Variants in KLF5 observed in about 807,000 individuals in gnomAD.
The protein encoded by KLF5 is KLF transcription factor 5.
KLF5 carries 9 observed loss-of-function variants against 36.9 expected under a neutral mutation model. The observed-to-expected ratio is 0.24, with a 90% CI of 0.15 to 0.43. The LOEUF is 0.43. Among genes scored for constraint, KLF5 ranks in the 20% least tolerant of loss-of-function variants. The probability of loss-of-function intolerance (pLI) is 1.00; values close to 1 mark genes in which losing one functional copy is unlikely to be tolerated. For synonymous variants in KLF5, 246 were observed against 241.7 expected, an observed-to-expected ratio of 1.02 and a Z score of -0.17; for missense variants, 524 against 599.5, an observed-to-expected ratio of 0.87 and a Z score of 1.31.
At chr13:73,069,119 A>T (rs1365758946) in intron 3 of KLF5, among the ~76,000 whole-genome samples, 3 of 151,418 alleles carry the variant, frequency 2.0e-5, no homozygotes, top group Non-Finnish European at 4.4e-5. Context: ...AATAAAAAAT[A>T]AAAAATCGAT....
chr13:73,072,694 A>G (rs1488930665), intron 3 of KLF5, among the ~76,000 whole-genome samples: 2 of 152,328 alleles, frequency 1.3e-5, no homozygotes, highest in East Asian at 3.9e-4. Flanking sequence ...GATAATGAGA[A>G]GTACCTCGCT....
chr13:73,061,294 C>T (rs904141686), intron 1 of KLF5, among the ~76,000 whole-genome samples: 2 of 152,096 alleles, frequency 1.3e-5, no homozygotes, highest in African/African-American at 2.4e-5. Flanking sequence ...TTTAATTTCT[C>T]ATTGAACTGT....
chr13:73,055,973 G>C (rs2044580635), upstream of KLF5, among the ~76,000 whole-genome samples: 1 of 152,094 alleles, frequency 6.6e-6, no homozygotes, highest in Non-Finnish European at 1.5e-5. Context: ...ACTGAATTTA[G>C]ATATTCCTTT....
rs41286080 is a variant in KLF5 at position 73,076,172 on chromosome 13, T to G, written c.*286T>G. 7 of 267,722 alleles carry G rather than the reference T, an allele frequency of 2.6e-5. No individual in the cohort carries two copies. Among genetic ancestry groups the G allele is most frequent in the Non-Finnish European group, 2.1e-5 (3 of 144,902 alleles). The allele number at this position is 267,722 out of a possible 1,614,324, so 16.6% of individuals were successfully genotyped here. On this transcript the variant is annotated 3_prime_UTR_variant, in exon 4 of 4. Coordinates refer to ENST00000377687, the MANE Select transcript of KLF5 (RefSeq NM_001730.5). ...TCTCAACATGGGTAAGGGGTGGGGG[T>G]GGAGGGGAGTGTGTGCAGCGTTTTT...
In KLF5 at chr13:73,059,778, G is replaced by GC. The variant is rs1311752163; in HGVS notation, c.261+190_261+191insC. The GC allele has an allele frequency of 3.9e-5, 29 of 737,450 alleles. 1 individual carries two copies. The highest frequency in any genetic ancestry group is 4.8e-5 in the Non-Finnish European group (29 of 600,316). The allele number at this position is 737,450 out of a possible 1,614,324, so 45.7% of individuals were successfully genotyped here. A position where few individuals can be genotyped will look rare whatever the true frequency, so the allele number is the denominator to read the frequency against. ...CCGCGTTTCGCTGAGAGTAAATGGGGGGGGGGGCCGGGGGTGGGAAGGATG... is the reference window on the plus strand; with the variant it reads ...CCGCGTTTCGCTGAGAGTAAATGGGGCGGGGGGGCCGGGGGTGGGAAGGATG... On this transcript the variant is annotated intron_variant, in intron 1 of 3. Coordinates refer to ENST00000377687, the MANE Select transcript of KLF5 (RefSeq NM_001730.5).
intron 3 of KLF5, among the ~76,000 whole-genome samples, chr13:73,072,788 A>G (rs1223723812): frequency 1.3e-5 from 2 of 152,170 alleles, no homozygotes; most frequent in African/African-American, 4.8e-5. Context: ...TTTGTAAAGT[A>G]TGTTAATGAC....
At chr13:73,074,365 C>CT (rs2044743831) in intron 3 of KLF5, among the ~76,000 whole-genome samples, 1 of 151,358 alleles carries the variant, frequency 6.6e-6, no homozygotes, top group South Asian at 2.1e-4. Flanking sequence ...CAAAGCAACT[C>CT]TGAGGTTCCT....
chr13:73,064,265 C>G (rs1352703268), intron 3 of KLF5, among the ~76,000 whole-genome samples: 1 of 152,164 alleles, frequency 6.6e-6, no homozygotes, highest in Non-Finnish European at 1.5e-5. Context: ...CCATTTTAAA[C>G]TCTTAAAAAC....
upstream of KLF5, chr13:73,058,818 G>A (rs1313380145): frequency 6.6e-6 from 1 of 152,606 alleles, no homozygotes; most frequent in Non-Finnish European, 1.5e-5. Context: ...CGAAGCTCGT[G>A]GCCCGAGAGG....
chr13:73,068,819 G>A (rs1276910756), intron 3 of KLF5, among the ~76,000 whole-genome samples: 2 of 151,838 alleles, frequency 1.3e-5, no homozygotes, highest in Non-Finnish European at 2.9e-5. Flanking sequence ...TTGGCTGGGC[G>A]CGGTGGCGGC....
At position 73,075,841 on chromosome 13, in the gene KLF5, G is replaced by A. The variant is rs141082562; in HGVS notation, c.1329G>A (p.Ser443=). The part of the protein sequence containing the change: ...FQCGVCNRSF[S]RSDHLALHMK... Reference sequence around the variant, plus strand: ...GCGGGGTGTGCAACCGCAGCTTCTCGCGCTCTGACCACCTGGCCCTGCATA... The same window carrying A: ...GCGGGGTGTGCAACCGCAGCTTCTCACGCTCTGACCACCTGGCCCTGCATA... Residue 443 remains serine, a synonymous_variant, in exon 4 of 4, where the codon TCG becomes TCA. Coordinates refer to ENST00000377687, the MANE Select transcript of KLF5 (RefSeq NM_001730.5). 94 of 1,609,842 alleles carry A rather than the reference G, an allele frequency of 5.8e-5. 1 individual carries two copies. Among genetic ancestry groups the A allele is most frequent in the Middle Eastern group, 1.6e-4 (1 of 6,076 alleles).
chr13:73,062,834 T>G, intron 2 of KLF5, 100 bp downstream of exon 2: 1 of 1,014,286 alleles, frequency 9.9e-7, no homozygotes, highest in Non-Finnish European at 1.4e-6. Context: ...CGTGCCCTTT[T>G]CAACCTCATG....
upstream of KLF5, among the ~76,000 whole-genome samples, chr13:73,056,581 CA>C: frequency 6.6e-6 from 1 of 152,314 alleles, no homozygotes; most frequent in South Asian, 2.1e-4. Context: ...ATGTTAAAAG[CA>C]ACAGCAAGGA....
At chr13:73,065,249 G>A (rs1443627785) in intron 3 of KLF5, among the ~76,000 whole-genome samples, 1 of 152,194 alleles carries the variant, frequency 6.6e-6, no homozygotes, top group Non-Finnish European at 1.5e-5. Flanking sequence ...ATCTCTAACT[G>A]CTGCATTAAA....
intron 3 of KLF5, among the ~76,000 whole-genome samples, chr13:73,070,810 C>G (rs969756851): frequency 2.6e-5 from 4 of 152,016 alleles, no homozygotes; most frequent in African/African-American, 9.7e-5. Flanking sequence ...ATAACTCATT[C>G]GATTATTTTC....
chr13:73,059,745 C>T (rs2044617219), intron 1 of KLF5, 157 bp downstream of exon 1: 3 of 667,472 alleles, frequency 4.5e-6, no homozygotes, highest in East Asian at 1.6e-4. Context: ...GCACGCCTGG[C>T]CGGGGCCCCG....
chr13:73,066,039 G>A (rs2044677154), intron 3 of KLF5, among the ~76,000 whole-genome samples: 2 of 152,186 alleles, frequency 1.3e-5, no homozygotes, highest in South Asian at 4.1e-4. Flanking sequence ...TTTTTCACCT[G>A]ACCATAAACA....
In KLF5 at chr13:73,077,454, T is replaced by C. The variant is rs555892752; in HGVS notation, c.*1568T>C. 1.6e-4 allele frequency: 24 copies of C among 152,782 alleles called. No individual in the cohort carries two copies. In the East Asian group the frequency reaches 4.6e-3, roughly 29 times the overall value. 9.5% of individuals were successfully genotyped at this position (152,782 alleles called of 1,614,324 possible). On this transcript the variant is annotated 3_prime_UTR_variant, in exon 4 of 4. Transcript: ENST00000377687. Reference sequence around the variant, plus strand: ...ATGCAAATAATGGAGCAAACAGCTGTATAGTTGTAGAATTTTTTGAGAGAA... The same window carrying C: ...ATGCAAATAATGGAGCAAACAGCTGCATAGTTGTAGAATTTTTTGAGAGAA...
In KLF5 at chr13:73,076,143, C is replaced by A; in HGVS notation, c.*257C>A. On this transcript the variant is annotated 3_prime_UTR_variant, in exon 4 of 4. Transcript: ENST00000377687. ...CAGATCTCATCTCATGACAGGCAGC[C>A]ACGTCTCAACATGGGTAAGGGGTGG... 1.3e-5 allele frequency: 4 copies of A among 309,296 alleles called. No individual in the cohort carries two copies. Among genetic ancestry groups the A allele is most frequent in the Non-Finnish European group, 5.9e-6 (1 of 170,100 alleles). The allele number at this position is 309,296 out of a possible 1,614,324, so 19.2% of individuals were successfully genotyped here.
Sources: gnomAD v4.1 joint callset for allele counts (sites outside exome capture counted in the v4.1 genomes callset) on GRCh38, gnomAD v4.1.1 for gene constraint, MANE v1.5 for transcripts, NCBI Gene and HGNC (gene_info 2026-07-23, HGNC 2026-07-21) for gene names.